Variants in ARL8B observed in about 807,000 individuals in gnomAD.
ARL8B encodes the protein ARF like GTPase 8B.
ARL8B carries 9 observed loss-of-function variants against 30.6 expected under a neutral mutation model. The observed-to-expected ratio is 0.29, with a 90% CI of 0.18 to 0.51. The LOEUF is 0.51. Among genes scored for constraint, ARL8B ranks in the 20% least tolerant of loss-of-function variants. ARL8B has a pLI of 0.97. For missense variants in ARL8B, 130 were observed against 227.2 expected (o/e 0.57, Z 2.75); for synonymous variants, 74 against 76.0 (o/e 0.97, Z 0.14).
chr3:5,162,794 ACATGGGCGGGT>A (rs1424545709), intron 1 of ARL8B, among the ~76,000 whole-genome samples: 1 of 152,168 alleles, frequency 6.6e-6, no homozygotes. Context: ...ATTCAGTGGA[ACATGGGCGGGT>A]CTGTTCCATG....
chr3:5,128,071 G>T (rs1455979146), intron 1 of ARL8B, among the ~76,000 whole-genome samples: 1 of 147,128 alleles, frequency 6.8e-6, no homozygotes, highest in Admixed American at 6.9e-5. Context: ...GCTGAGGCAG[G>T]AGAATTGCTT....
intron 1 of ARL8B, among the ~76,000 whole-genome samples, chr3:5,135,354 C>T (rs1054087740): frequency 1.5e-5 from 2 of 136,180 alleles, no homozygotes; most frequent in Non-Finnish European, 1.6e-5. Flanking sequence ...AGTCTTGGCT[C>T]ACTGCAACCT....
At chr3:5,159,602 C>CAAAA (rs71053495) in intron 1 of ARL8B, among the ~76,000 whole-genome samples, 6 of 77,064 alleles carry the variant, frequency 7.8e-5, no homozygotes, top group African/African-American at 1.4e-4. Flanking sequence ...AACTCCGTCT[C>CAAAA]AAAAAAAAAA....
At chr3:5,152,357 C>A (rs1305231454) in intron 1 of ARL8B, among the ~76,000 whole-genome samples, 1 of 152,082 alleles carries the variant, frequency 6.6e-6, no homozygotes, top group Admixed American at 6.5e-5. Context: ...TATTTTCTTG[C>A]TTTGAAGTCG....
At chr3:5,131,451 C>T (rs915945797) in intron 1 of ARL8B, among the ~76,000 whole-genome samples, 2 of 151,320 alleles carry the variant, frequency 1.3e-5, no homozygotes, top group African/African-American at 2.4e-5. Context: ...AGTGCAGTGG[C>T]GCGATCTCGG....
At chr3:5,145,748 A>C (rs1434397123) in intron 1 of ARL8B, among the ~76,000 whole-genome samples, 1 of 152,184 alleles carries the variant, frequency 6.6e-6, no homozygotes, top group African/African-American at 2.4e-5. Context: ...TTTTGAGCAT[A>C]TGACTTAATC....
At chr3:5,169,024 T>G (rs2054647078) in intron 1 of ARL8B, among the ~76,000 whole-genome samples, 1 of 152,196 alleles carries the variant, frequency 6.6e-6, no homozygotes. Flanking sequence ...CTCTACTACC[T>G]GTTCTATGAA....
At chr3:5,123,496 A>G (rs752382297) in intron 1 of ARL8B, among the ~76,000 whole-genome samples, 1 of 152,116 alleles carries the variant, frequency 6.6e-6, no homozygotes, top group Non-Finnish European at 1.5e-5. Flanking sequence ...TAGGAGTGAA[A>G]GATTTCGCCT....
At chr3:5,132,237 A>T (rs1307881048) in intron 1 of ARL8B, among the ~76,000 whole-genome samples, 1 of 151,592 alleles carries the variant, frequency 6.6e-6, no homozygotes, top group East Asian at 1.9e-4. Flanking sequence ...AGGATTGATC[A>T]TATTCCCTAT....
At chr3:5,122,763 C>G (rs1175943004) in intron 1 of ARL8B, among the ~76,000 whole-genome samples, 175 bp downstream of exon 1, 1 of 152,204 alleles carries the variant, frequency 6.6e-6, no homozygotes, top group Non-Finnish European at 1.5e-5. Context: ...CGCGTGTTGG[C>G]GGCGCGGGGA....
At chr3:5,154,498 C>T (rs1459022446) in intron 1 of ARL8B, among the ~76,000 whole-genome samples, 1 of 151,768 alleles carries the variant, frequency 6.6e-6, no homozygotes, top group African/African-American at 2.4e-5. Context: ...CCATGCCCAG[C>T]TAATTTTTGT....
At chr3:5,160,271 G>C (rs73103653) in intron 1 of ARL8B, among the ~76,000 whole-genome samples, 1 of 152,198 alleles carries the variant, frequency 6.6e-6, no homozygotes, top group East Asian at 1.9e-4. Flanking sequence ...GAATATTTGA[G>C]TGAAACTGCT....
At chr3:5,167,877 G>T (rs1187207187) in intron 1 of ARL8B, among the ~76,000 whole-genome samples, 2 of 152,144 alleles carry the variant, frequency 1.3e-5, no homozygotes, top group African/African-American at 4.8e-5. Flanking sequence ...CTAGTGCCCA[G>T]TTGCCAACTG....
intron 1 of ARL8B, among the ~76,000 whole-genome samples, chr3:5,147,130 G>A (rs2054426405): frequency 1.3e-5 from 2 of 151,688 alleles, no homozygotes; most frequent in African/African-American, 4.9e-5. Context: ...CCACTAACCG[G>A]TCATTTACAT....
chr3:5,154,977 C>G (rs1440446556), intron 1 of ARL8B, among the ~76,000 whole-genome samples: 1 of 152,160 alleles, frequency 6.6e-6, no homozygotes, highest in African/African-American at 2.4e-5. Context: ...TCAAGTGATC[C>G]TCCCACTTCA....
At chr3:5,157,252 G>C (rs2054541810) in intron 1 of ARL8B, among the ~76,000 whole-genome samples, 1 of 152,210 alleles carries the variant, frequency 6.6e-6, no homozygotes, top group Non-Finnish European at 1.5e-5. Context: ...CCTTTGTGCT[G>C]TTGGGATCAG....
At chr3:5,144,897 C>T (rs1403951466) in intron 1 of ARL8B, among the ~76,000 whole-genome samples, 1 of 152,154 alleles carries the variant, frequency 6.6e-6, no homozygotes, top group Non-Finnish European at 1.5e-5. Flanking sequence ...CAGATTTTTC[C>T]AAAAGTGTGT....
chr3:5,139,962 C>A (rs769140845), intron 1 of ARL8B, among the ~76,000 whole-genome samples: 1 of 151,040 alleles, frequency 6.6e-6, no homozygotes, highest in East Asian at 1.9e-4. Context: ...GATAGCTTCT[C>A]ACTACACAAG....
At chr3:5,154,998 G>A (rs1035518598) in intron 1 of ARL8B, among the ~76,000 whole-genome samples, 3 of 152,186 alleles carry the variant, frequency 2.0e-5, no homozygotes, top group Non-Finnish European at 4.4e-5. Context: ...GCCTCCCAAA[G>A]TGCTGGGATT....
Sources: allele counts gnomAD v4.1 joint callset (sites outside exome capture counted in the v4.1 genomes callset), GRCh38; gene constraint gnomAD v4.1.1; transcripts MANE v1.5; gene names NCBI Gene and HGNC (gene_info 2026-07-23, HGNC 2026-07-21).